The following SLC24A3 variants were observed in gnomAD, a reference collection of about 807,000 sequenced individuals.
The protein encoded by SLC24A3 is solute carrier family 24 member 3.
Under a neutral mutation model 75.8 loss-of-function variants are expected in SLC24A3, and 28 were observed. The observed-to-expected ratio is 0.37, with a 90% confidence interval of 0.27 to 0.51. The LOEUF (loss-of-function observed/expected upper bound fraction) is 0.51, where lower values mean the gene tolerates loss of function less well. Ranked by LOEUF, SLC24A3 falls within the 20% of genes least tolerant of loss-of-function variation. The probability of loss-of-function intolerance (pLI) is 0.94; values close to 1 mark genes in which losing one functional copy is unlikely to be tolerated. For synonymous variants in SLC24A3, 372 were observed against 334.1 expected (o/e 1.11, Z -1.24); for missense variants, 663 against 847.8 (o/e 0.78, Z 2.71).
In SLC24A3 at chr20:19,609,142, A is replaced by T. The variant is rs1237417813; in HGVS notation, c.612+23598A>T. On this transcript the variant is annotated intron_variant, in intron 6 of 16. Coordinates refer to ENST00000328041, the MANE Select transcript of SLC24A3 (RefSeq NM_020689.4). ...AAGGATCAGGATGGAGACTTGGAAA[A>T]CTTGATGAAACTCTTGAATGTTTTT... Among the ~76,000 whole-genome samples the T allele has an allele frequency of 4.6e-5, 7 of 152,154 alleles. No homozygotes were observed. The East Asian group carries it at 1.3e-3, about 29-fold the overall frequency.
chr20:19,683,981 G>C (rs997981404), intron 10 of SLC24A3, among the ~76,000 whole-genome samples, 195 bp from the exon 11 acceptor site: 1 of 152,084 alleles, frequency 6.6e-6, no homozygotes, highest in African/African-American at 2.4e-5. Flanking sequence ...TGGATGGAAA[G>C]AAGAATGAAT....
At position 19,375,668 on chromosome 20, in the gene SLC24A3, A is replaced by C. The variant is rs1212986082; in HGVS notation, c.271+94581A>C. Reference sequence around the variant, plus strand: ...GGAAGTGTGCTGCGGCCATCTCTGCACTGTGGCTTGCAAATGAAGCCATCT... The same window carrying C: ...GGAAGTGTGCTGCGGCCATCTCTGCCCTGTGGCTTGCAAATGAAGCCATCT... On this transcript the variant is annotated intron_variant, in intron 2 of 16. Coordinates refer to ENST00000328041, the MANE Select transcript of SLC24A3 (RefSeq NM_020689.4). Among the ~76,000 whole-genome samples the C allele has an allele frequency of 2.6e-5, 4 of 152,342 alleles. No individual in the cohort carries two copies. In the East Asian group the frequency reaches 7.7e-4, roughly 29 times the overall value.
chr20:19,250,523 C>T (rs1483021534), intron 1 of SLC24A3, among the ~76,000 whole-genome samples: 1 of 152,142 alleles, frequency 6.6e-6, no homozygotes, highest in Non-Finnish European at 1.5e-5. Flanking sequence ...CTGAGAATTA[C>T]CATACTCTGA....
intron 1 of SLC24A3, chr20:19,213,481 C>G (rs1187203384): frequency 6.6e-6 from 1 of 152,560 alleles, no homozygotes; most frequent in Non-Finnish European, 1.5e-5. Context: ...CTCTTCAACC[C>G]CCTTTCAGAA....
At chr20:19,662,724 C>T (rs1450665754) in intron 7 of SLC24A3, among the ~76,000 whole-genome samples, 1 of 152,242 alleles carries the variant, frequency 6.6e-6, no homozygotes, top group Non-Finnish European at 1.5e-5. Context: ...GCTAGTAGAG[C>T]ATAAACTACA....
At chr20:19,287,893 C>A (rs959855820) in intron 2 of SLC24A3, among the ~76,000 whole-genome samples, 1 of 152,198 alleles carries the variant, frequency 6.6e-6, no homozygotes, top group African/African-American at 2.4e-5. Flanking sequence ...TTATTTAGAC[C>A]TCATTTCCAC....
intron 1 of SLC24A3, among the ~76,000 whole-genome samples, chr20:19,228,834 G>T (rs1012126198): frequency 2.6e-5 from 4 of 152,058 alleles, no homozygotes; most frequent in Admixed American, 2.6e-4. Flanking sequence ...CATTTTCTAT[G>T]AAATTTTTGC....
intron 2 of SLC24A3, among the ~76,000 whole-genome samples, chr20:19,461,721 C>G (rs143023680): frequency 6.6e-6 from 1 of 151,748 alleles, no homozygotes; most frequent in African/African-American, 2.4e-5. Context: ...TTAGTAGAGA[C>G]GAGGTTTCAC....
intron 3 of SLC24A3, among the ~76,000 whole-genome samples, chr20:19,536,357 A>C (rs935552256): frequency 1.3e-5 from 2 of 152,106 alleles, no homozygotes; most frequent in South Asian, 4.1e-4. Context: ...TAAGGGGAAG[A>C]TTGGCTTTGG....
At chr20:19,361,302 C>T (rs1985783756) in intron 2 of SLC24A3, among the ~76,000 whole-genome samples, 2 of 152,330 alleles carry the variant, frequency 1.3e-5, no homozygotes, top group African/African-American at 4.8e-5. Flanking sequence ...GAAAAGACCA[C>T]CCTGAGACCC....
In SLC24A3 at chr20:19,673,598, C is replaced by T. The variant is rs375731909; in HGVS notation, c.714-3C>T. 205 of 1,613,686 alleles carry T rather than the reference C, an allele frequency of 1.3e-4. No homozygotes were observed. Among genetic ancestry groups the T allele is most frequent in the Middle Eastern group, 9.9e-4 (6 of 6,062 alleles). On this transcript the variant is annotated splice_polypyrimidine_tract_variant and splice_region_variant and intron_variant, in intron 8 of 16. Coordinates refer to ENST00000328041, the MANE Select transcript of SLC24A3 (RefSeq NM_020689.4). ...TCTTTAACTGTTCTTGGTTTACACA[C>T]AGGTGGGAGTCTTTAGTCCTTGTGC...
chr20:19,329,431 C>G (rs977398430), intron 2 of SLC24A3, among the ~76,000 whole-genome samples: 28 of 152,154 alleles, frequency 1.8e-4, no homozygotes, highest in African/African-American at 6.8e-4. Flanking sequence ...ATCAGTAGAG[C>G]CGGTCATTAT....
intron 6 of SLC24A3, among the ~76,000 whole-genome samples, chr20:19,618,030 C>T (rs2031758720): frequency 6.6e-6 from 1 of 151,212 alleles, no homozygotes; most frequent in Non-Finnish European, 1.5e-5. Flanking sequence ...AAATTGACTT[C>T]TCCTCCTAGC....
chr20:19,560,633 G>A (rs921604157), intron 3 of SLC24A3, among the ~76,000 whole-genome samples: 6 of 152,176 alleles, frequency 3.9e-5, no homozygotes, highest in African/African-American at 1.4e-4. Context: ...ACAGTCAGAG[G>A]TATAATTCCC....
At chr20:19,650,978 C>T (rs902404680) in intron 6 of SLC24A3, among the ~76,000 whole-genome samples, 1 of 152,160 alleles carries the variant, frequency 6.6e-6, no homozygotes, top group Non-Finnish European at 1.5e-5. Flanking sequence ...AGGTTGTTCT[C>T]TAAGCCTGCT....
intron 2 of SLC24A3, among the ~76,000 whole-genome samples, chr20:19,334,133 G>T (rs996320367): frequency 1.6e-4 from 25 of 152,094 alleles, no homozygotes; most frequent in African/African-American, 5.3e-4. Flanking sequence ...ACATGTAAAT[G>T]GGTGGTCGTT....
intron 15 of SLC24A3, among the ~76,000 whole-genome samples, chr20:19,715,245 C>T (rs1568709110): frequency 6.6e-6 from 1 of 152,206 alleles, no homozygotes. Context: ...TTCAGTACAA[C>T]CCATTTGCGA....
At chr20:19,532,788 A>C (rs2030326304) in intron 3 of SLC24A3, among the ~76,000 whole-genome samples, 1 of 152,220 alleles carries the variant, frequency 6.6e-6, no homozygotes. Flanking sequence ...TCACAGAAGT[A>C]GGGTAACTTG....
At chr20:19,691,541 G>A (rs945280829) in intron 12 of SLC24A3, among the ~76,000 whole-genome samples, 6 of 152,140 alleles carry the variant, frequency 3.9e-5, no homozygotes, top group Admixed American at 2.6e-4. Flanking sequence ...TCTTTCCTCT[G>A]GCTACTGGTA....
Sources: gnomAD v4.1 joint callset for allele counts (sites outside exome capture counted in the v4.1 genomes callset) on GRCh38, gnomAD v4.1.1 for gene constraint, MANE v1.5 for transcripts, NCBI Gene and HGNC (gene_info 2026-07-23, HGNC 2026-07-21) for gene names.